IL31RA: variants seen among roughly 807,000 people sequenced by gnomAD.
The protein encoded by IL31RA is interleukin 31 receptor A, also known as interleukin-31 receptor subunit alpha.
Under a neutral mutation model 83.7 loss-of-function variants are expected in IL31RA, and 66 were observed. That is an observed-to-expected ratio of 0.79 (90% confidence interval 0.65 to 0.97). The LOEUF is 0.97. IL31RA is among the 50% of genes least tolerant of loss of function. The probability of loss-of-function intolerance (pLI) is 0.00; values close to 1 mark genes in which losing one functional copy is unlikely to be tolerated. For missense variants in IL31RA, 798 were observed against 919.4 expected (o/e 0.87, Z 1.71); for synonymous variants, 325 against 329.0 (o/e 0.99, Z 0.13).
rs1747891398 is a variant in IL31RA, at chr5:55,890,078, G to T, written c.715G>T (p.Glu239Ter). The T allele has an allele frequency of 1.2e-6, 2 of 1,613,842 alleles. No individual in the cohort carries two copies. The highest frequency in any genetic ancestry group is 1.3e-5 in the African/African-American group (1 of 74,908). The change falls in exon 6 of 15, where the codon GAG becomes TAG. Residue 239 changes from glutamate (E) to a stop codon, truncating the protein, a stop_gained. Transcript: ENST00000652347. LOFTEE classifies it high-confidence loss of function. Reference sequence around the variant, plus strand: ...CATAGCTCTGCGATGTGCGGTCAAGGAGTCAAAGTTCTGGAGTGACTGGAG... The same window carrying T: ...CATAGCTCTGCGATGTGCGGTCAAGTAGTCAAAGTTCTGGAGTGACTGGAG... ...YVIALRCAVKESKFWSDWSQE... is the reference protein window; with the variant it reads ...YVIALRCAVK
In IL31RA at chr5:55,906,144, G is replaced by C. The variant is rs774308246; in HGVS notation, c.1108G>C (p.Glu370Gln). 1.2e-6 allele frequency: 2 copies of C among 1,613,578 alleles called. No individual in the cohort carries two copies. Among genetic ancestry groups the C allele is most frequent in the African/African-American group, 2.7e-5 (2 of 74,488 alleles). Residue 370 changes from glutamate to glutamine, a missense_variant, in exon 9 of 15, where the codon GAG becomes CAG. By Grantham distance (29) the Glu-to-Gln change is conservative (BLOSUM62 2). Transcript: ENST00000652347. Reference sequence around the variant, plus strand: ...TGAGGTCATGCAGGCCTGCGTTGCTGAGGACCAGCTAGTGGTGAAGTGGCA... The same window carrying C: ...TGAGGTCATGCAGGCCTGCGTTGCTCAGGACCAGCTAGTGGTGAAGTGGCA... Reference protein sequence around the residue: ...CIEVMQACVAEDQLVVKWQSS... With the variant: ...CIEVMQACVAQDQLVVKWQSS...
the IL31RA span, among the ~76,000 whole-genome samples, chr5:55,841,956 A>T: frequency 0.011 from 1,610 of 149,458 alleles, 22 homozygotes; most frequent in African/African-American, 0.031. Context: ...AAAAAAAAAA[A>T]TTTTTTTAAG....
At chr5:55,890,852 A>G (rs1363486341) in intron 6 of IL31RA, among the ~76,000 whole-genome samples, 1 of 152,236 alleles carries the variant, frequency 6.6e-6, no homozygotes, top group African/African-American at 2.4e-5. Flanking sequence ...ACTAAGTGTC[A>G]GTATGGTCAT....
upstream of IL31RA, among the ~76,000 whole-genome samples, chr5:55,847,284 T>TAAAA (rs1202366635): frequency 2.4e-5 from 3 of 125,772 alleles, no homozygotes; most frequent in South Asian, 7.5e-4. Flanking sequence ...AATAAATAAA[T>TAAAA]AAAAAGAAAA....
chr5:55,921,218 G>A lies in IL31RA; in HGVS notation c.*4098G>A, dbSNP rs548678951. Among the ~76,000 whole-genome samples, 1 of 152,204 alleles carries A rather than the reference G, an allele frequency of 6.6e-6. No homozygotes were observed. Among genetic ancestry groups the A allele is most frequent in the East Asian group, 1.9e-4 (1 of 5,188 alleles). ...GCAGTAATCCCAAGAGTTTTAAATA[G>A]CAATTATTTGTCATGCTTAATTAAC... On this transcript the variant is annotated 3_prime_UTR_variant, in exon 15 of 15. Transcript: ENST00000652347.
intron 8 of IL31RA, 76 bp from the exon 9 acceptor site, chr5:55,906,030 T>G: frequency 2.1e-6 from 3 of 1,439,928 alleles, no homozygotes; most frequent in Non-Finnish European, 2.0e-6. Context: ...GCTGAGGCAA[T>G]GAGGATGCCA....
chr5:55,906,322 G>A (rs377024304), intron 9 of IL31RA, 34 bp downstream of exon 9: 32 of 1,603,364 alleles, frequency 2.0e-5, no homozygotes, highest in African/African-American at 2.7e-5. Context: ...TTCCCTCAGT[G>A]CAGGGTTTGG....
rs767771698 is a variant in IL31RA at position 55,851,619 on chromosome 5, T to C, written c.49T>C (p.Cys17Arg). 4.3e-6 allele frequency: 7 copies of C among 1,613,944 alleles called. No individual in the cohort carries two copies. The South Asian group carries it at 4.4e-5, about 10-fold the overall frequency. The change falls in exon 1 of 15, where the codon TGT becomes CGT. Residue 17 changes from cysteine to arginine, a missense_variant. Cys to Arg is a radical substitution (Grantham distance 180, BLOSUM62 -3). Transcript: ENST00000652347. ...KFFTTACVCE[C>R]PQNILSPQPS... ...TTTCACCACGGCATGTGTCTGTGAA[T>C]GTCCGCAAAACATTGTGAGTATTGA...
chr5:55,917,305 G>T lies in IL31RA; in HGVS notation c.*185G>T, dbSNP rs1749848327. On this transcript the variant is annotated 3_prime_UTR_variant, in exon 15 of 15. Coordinates refer to ENST00000652347, the MANE Select transcript of IL31RA (RefSeq NM_139017.7). Reference sequence around the variant, plus strand: ...AGATGCGACCTTGTACTGGGAAGAAGGGATGGTGATAAGCCCGAGTTTTGT... The same window carrying T: ...AGATGCGACCTTGTACTGGGAAGAATGGATGGTGATAAGCCCGAGTTTTGT... 20 of 1,488,876 alleles carry T rather than the reference G, an allele frequency of 1.3e-5. No homozygotes were observed. In the South Asian group the frequency reaches 2.2e-4, roughly 17 times the overall value. The allele number at this position is 1,488,876 out of a possible 1,614,324, so 92.2% of individuals were successfully genotyped here.
In IL31RA at chr5:55,919,451, T is replaced by C. The variant is rs1749982597; in HGVS notation, c.*2331T>C. On this transcript the variant is annotated 3_prime_UTR_variant, in exon 15 of 15. Coordinates refer to ENST00000652347, the MANE Select transcript of IL31RA (RefSeq NM_139017.7). ...TCCTTCATCATCAAAGCTGGAAGCG[T>C]CTTTTGCTGGACAATTTGCAAATCC... is the stretch of plus-strand genomic sequence containing the variant. Among the ~76,000 whole-genome samples, 2 of 152,192 alleles carry C rather than the reference T, an allele frequency of 1.3e-5. No individual in the cohort carries two copies. The highest frequency in any genetic ancestry group is 2.4e-5 in the African/African-American group (1 of 41,450).
At position 55,867,254 on chromosome 5, in the gene IL31RA, C is replaced by T. The variant is rs868037512; in HGVS notation, c.155-1537C>T. ...GTGTTTGTGTGTGTGTTTGTGTGTG[C>T]GTGTGTTTGTGTGCGTGTGTGTGCA... On this transcript the variant is annotated intron_variant, in intron 2 of 14. Transcript: ENST00000652347. Among the ~76,000 whole-genome samples the T allele has an allele frequency of 6.7e-3, 166 of 24,946 alleles. 1 individual carries two copies. Among genetic ancestry groups the T allele is most frequent in the South Asian group, 0.026 (12 of 460 alleles). 16.4% of individuals were successfully genotyped at this position (24,946 alleles called of 152,430 possible).
chr5:55,843,221 A>G, the IL31RA span, among the ~76,000 whole-genome samples: 2 of 152,194 alleles, frequency 1.3e-5, no homozygotes, highest in African/African-American at 2.4e-5. Context: ...ATCTTGTCAC[A>G]GTGTTTCCTG....
Position 55,900,133 on chromosome 5 carries a change from G to A in IL31RA, c.1069+1G>A. ...AGGATTCCAGCTATTCAAGAAAAAT[G>A]TAAGTAGAGCATCAACTTCTTCCTT... On this transcript the variant is annotated splice_donor_variant, in intron 8 of 14. Transcript: ENST00000652347. LOFTEE classifies it high-confidence loss of function. 4.4e-6 allele frequency: 7 copies of A among 1,604,090 alleles called. No homozygotes were observed. Among genetic ancestry groups the A allele is most frequent in the Non-Finnish European group, 6.0e-6 (7 of 1,170,854 alleles).
intron 6 of IL31RA, 66 bp downstream of exon 6, chr5:55,890,201 G>T (rs1416135788): frequency 6.5e-7 from 1 of 1,540,248 alleles, no homozygotes; most frequent in Admixed American, 1.7e-5. Context: ...GCTAGACTTG[G>T]TGGGGTTTGT....
At chr5:55,900,578 C>T (rs1285474350) in intron 8 of IL31RA, among the ~76,000 whole-genome samples, 1 of 152,134 alleles carries the variant, frequency 6.6e-6, no homozygotes, top group Non-Finnish European at 1.5e-5. Context: ...CTTCCTTTTC[C>T]CCTTCCATTT....
intron 9 of IL31RA, 142 bp from the exon 10 acceptor site, chr5:55,907,217 C>T (rs998216728): frequency 1.5e-6 from 1 of 657,002 alleles, no homozygotes; most frequent in Non-Finnish European, 2.8e-6. Context: ...GACCATTCAA[C>T]CTAACCTGTT....
At chr5:55,904,097 A>G (rs990352557) in intron 8 of IL31RA, among the ~76,000 whole-genome samples, 2 of 152,154 alleles carry the variant, frequency 1.3e-5, no homozygotes, top group Non-Finnish European at 2.9e-5. Flanking sequence ...CTTTTCTTAT[A>G]AAGGGCCCAC....
At chr5:55,867,572 AT>A (rs1746267091) in intron 2 of IL31RA, among the ~76,000 whole-genome samples, 1 of 152,170 alleles carries the variant, frequency 6.6e-6, no homozygotes, top group South Asian at 2.1e-4. Flanking sequence ...AATTGCCTTA[AT>A]TTAGGTCTAA....
Position 55,872,302 on chromosome 5 carries a change from C to T in IL31RA, c.305C>T (p.Thr102Ile), listed in dbSNP as rs1446813344. The T allele has an allele frequency of 1.9e-6, 3 of 1,613,270 alleles. No individual in the cohort carries two copies. The highest frequency in any genetic ancestry group is 2.5e-6 in the Non-Finnish European group (3 of 1,179,542). Residue 102 changes from threonine (T) to isoleucine (I), a missense_variant, in exon 4 of 15, where the codon ACC (threonine) becomes ATC (isoleucine). Thr to Ile is a moderately conservative substitution (Grantham distance 89). Transcript: ENST00000652347. Reference protein sequence around the residue: ...AFGEKHDNCTTNSSTSENRAS... With the variant: ...AFGEKHDNCTINSSTSENRAS... Reference sequence around the variant, plus strand: ...GGAGAAAAACATGATAATTGTACAACCAATAGTTCTACAAGTGAAAATCGT... The same window carrying T: ...GGAGAAAAACATGATAATTGTACAATCAATAGTTCTACAAGTGAAAATCGT...
Sources: gnomAD v4.1 joint callset for allele counts (sites outside exome capture counted in the v4.1 genomes callset) on GRCh38, gnomAD v4.1.1 for gene constraint, MANE v1.5 for transcripts, NCBI Gene and HGNC (gene_info 2026-07-23, HGNC 2026-07-21) for gene names.